The following SLC43A2 variants were observed in gnomAD, a reference collection of about 807,000 sequenced individuals.
SLC43A2 encodes the protein large neutral amino acids transporter small subunit 4.
SLC43A2 carries 38 observed loss-of-function variants against 63.2 expected under a neutral mutation model. The observed-to-expected ratio is 0.60, with a 90% confidence interval of 0.46 to 0.79. The LOEUF (loss-of-function observed/expected upper bound fraction) is 0.79, where lower values mean the gene tolerates loss of function less well. Among genes scored for constraint, SLC43A2 ranks in the 30% least tolerant of loss-of-function variants. The pLI, the probability that SLC43A2 is intolerant of heterozygous loss-of-function variation, is 0.00. For missense variants in SLC43A2, 644 were observed against 756.2 expected (o/e 0.85, Z 1.74); for synonymous variants, 322 against 331.0 (o/e 0.97, Z 0.30).
chr17:1,591,675 A>G lies in SLC43A2; in HGVS notation c.619T>C (p.Phe207Leu). Reference sequence around the variant, plus strand: ...GCCCAGACCACGAGGACGACGATGAAGGAGACACCAGCATCATAGATGAGC... The same window carrying G: ...GCCCAGACCACGAGGACGACGATGAGGGAGACACCAGCATCATAGATGAGC... ...IKLIYDAGVSFIVVLVVWAGC... is the reference protein window; with the variant it reads ...IKLIYDAGVSLIVVLVVWAGC... Residue 207 changes from phenylalanine (F) to leucine (L), a missense_variant, in exon 7 of 14, where the codon TTC becomes CTC. By Grantham distance (22) the Phe-to-Leu change is conservative. Around this residue, in one of 3 missense-constraint regions of SLC43A2, gnomAD observed 528 missense variants for 623.6 expected, o/e 0.85. Coordinates refer to ENST00000301335, the MANE Select transcript of SLC43A2 (RefSeq NM_152346.3). 7.4e-7 allele frequency: 1 copy of G among 1,359,772 alleles called. No individual in the cohort carries two copies. Among genetic ancestry groups the G allele is most frequent in the African/African-American group, 1.6e-5 (1 of 62,662 alleles). 84.2% of individuals were successfully genotyped at this position (1,359,772 alleles called of 1,614,324 possible). A position where few individuals can be genotyped will look rare whatever the true frequency, so the allele number is the denominator to read the frequency against.
chr17:1,612,576 A>G (rs1477025810), intron 5 of SLC43A2, among the ~76,000 whole-genome samples: 2 of 152,246 alleles, frequency 1.3e-5, no homozygotes, highest in African/African-American at 4.8e-5. Flanking sequence ...CGAGGAAAAC[A>G]GGAAAAGAAA....
Position 1,593,366 on chromosome 17 carries a change from G to A in SLC43A2, c.502-87C>T, listed in dbSNP as rs535031603. The A allele has an allele frequency of 2.5e-6, 3 of 1,220,720 alleles. No homozygotes were observed. The highest frequency in any genetic ancestry group is 2.4e-5 in the East Asian group (1 of 41,290). 75.6% of individuals were successfully genotyped at this position (1,220,720 alleles called of 1,614,324 possible). A position where few individuals can be genotyped will look rare whatever the true frequency, so the allele number is the denominator to read the frequency against. On this transcript the variant is annotated intron_variant, in intron 5 of 13. Coordinates refer to ENST00000301335, the MANE Select transcript of SLC43A2 (RefSeq NM_152346.3). The surrounding 1 kb of genome is among the most constrained non-coding windows in gnomAD (Gnocchi z 5.3). The stretch of plus-strand genomic sequence containing the variant: ...GGGGACAGAGAACTAGGCCCCATGA[G>A]GCCCCTTCTTCACCTGCGCCCCTTC...
chr17:1,613,302 G>A (rs764151640), intron 4 of SLC43A2, 31 bp from the exon 5 acceptor site: 3 of 1,608,430 alleles, frequency 1.9e-6, no homozygotes, highest in East Asian at 4.5e-5. Context: ...CGTGAGTGGA[G>A]ACCCCAGCTG....
intron 11 of SLC43A2, among the ~76,000 whole-genome samples, chr17:1,582,859 G>A (rs377514133): frequency 9.2e-4 from 140 of 152,250 alleles, no homozygotes; most frequent in South Asian, 8.7e-3. Flanking sequence ...CGGGTGGATC[G>A]CCTGAGGTCA....
In SLC43A2 at chr17:1,583,486, G is replaced by C; in HGVS notation, c.1218-150C>G. The C allele has an allele frequency of 7.3e-7, 1 of 1,369,210 alleles. No individual in the cohort carries two copies. Among genetic ancestry groups the C allele is most frequent in the East Asian group, 2.5e-5 (1 of 40,144 alleles). 84.8% of individuals were successfully genotyped at this position (1,369,210 alleles called of 1,614,324 possible). On this transcript the variant is annotated intron_variant, in intron 10 of 13. Transcript: ENST00000301335. This position sits in a 1 kb window ranked among gnomAD's most constrained non-coding sequence, Gnocchi z 5.5. ...CGTTTTAGGGACTGTGTCGGGGCTGGACCAGCACTACGGACACTCCCCGGC... is the reference window on the plus strand; with the variant it reads ...CGTTTTAGGGACTGTGTCGGGGCTGCACCAGCACTACGGACACTCCCCGGC...
At chr17:1,576,870 T>A in intron 12 of SLC43A2, 150 bp from the exon 13 acceptor site, 1 of 980,170 alleles carries the variant, frequency 1.0e-6, no homozygotes, top group Non-Finnish European at 1.4e-6. Flanking sequence ...TCTGTTTTTT[T>A]TTTTTTTTTT....
intron 12 of SLC43A2, 112 bp from the exon 13 acceptor site, chr17:1,576,832 G>T: frequency 7.6e-7 from 1 of 1,319,840 alleles, no homozygotes; most frequent in Non-Finnish European, 1.0e-6. Context: ...TGGGGTGCCA[G>T]CCCTCGGATT....
chr17:1,586,199 C>T (rs765890381), intron 9 of SLC43A2, 148 bp from the exon 10 acceptor site: 66 of 1,269,876 alleles, frequency 5.2e-5, no homozygotes, highest in Admixed American at 1.7e-4. Flanking sequence ...GCGAGGAGCC[C>T]GGAGACCTTA....
chr17:1,576,453 C>A, intron 13 of SLC43A2, 144 bp downstream of exon 13: 3 of 858,952 alleles, frequency 3.5e-6, no homozygotes. Flanking sequence ...GCCTAGCCAC[C>A]ATTCACAAAG....
At position 1,605,662 on chromosome 17, in the gene SLC43A2, AG is replaced by A. The variant is rs1906541191; in HGVS notation, c.501+7532del. Among the ~76,000 whole-genome samples, 1 of 151,958 alleles carries A rather than the reference AG, an allele frequency of 6.6e-6. No homozygotes were observed. On this transcript the variant is annotated intron_variant, in intron 5 of 13. Coordinates refer to ENST00000301335, the MANE Select transcript of SLC43A2 (RefSeq NM_152346.3). The surrounding 1 kb of genome is among the most constrained non-coding windows in gnomAD (Gnocchi z 4.9). Reference sequence around the variant, plus strand: ...ATTCTGGCCCTCGGGTCCCCTCCAGAGGGAGCCTTGTCCCCAAGTGGCTGGA... The same window carrying A: ...ATTCTGGCCCTCGGGTCCCCTCCAGAGGAGCCTTGTCCCCAAGTGGCTGGA...
At chr17:1,604,045 C>T (rs946104361) in intron 5 of SLC43A2, among the ~76,000 whole-genome samples, 2 of 152,078 alleles carry the variant, frequency 1.3e-5, no homozygotes, top group Non-Finnish European at 2.9e-5. Context: ...CATTCATTTA[C>T]TTATTTATTT....
chr17:1,586,943 G>A (rs777852508), intron 9 of SLC43A2: 30 of 347,430 alleles, frequency 8.6e-5, no homozygotes, highest in South Asian at 1.4e-4. Flanking sequence ...CCCACCCCCC[G>A]CTTACCCGTG....
intron 5 of SLC43A2, among the ~76,000 whole-genome samples, chr17:1,600,149 T>TA (rs1567630815): frequency 2.2e-5 from 2 of 90,822 alleles, no homozygotes; most frequent in Non-Finnish European, 4.2e-5. Context: ...TATATATATA[T>TA]ATATTTTTTT....
At chr17:1,625,612 G>A (rs1420494785) in intron 2 of SLC43A2, among the ~76,000 whole-genome samples, 1 of 152,198 alleles carries the variant, frequency 6.6e-6, no homozygotes, top group African/African-American at 2.4e-5. Context: ...TTTCTGGCCT[G>A]AAAGAAAACT....
chr17:1,594,866 G>A (rs1905162487), intron 5 of SLC43A2, among the ~76,000 whole-genome samples: 1 of 151,800 alleles, frequency 6.6e-6, no homozygotes, highest in South Asian at 2.1e-4. Context: ...GGGATTACAG[G>A]CGTGAGCCAC....
intron 2 of SLC43A2, among the ~76,000 whole-genome samples, chr17:1,618,040 T>C (rs1477499814): frequency 6.6e-6 from 1 of 152,240 alleles, no homozygotes; most frequent in Non-Finnish European, 1.5e-5. Flanking sequence ...GGTAACTGCC[T>C]GCCTTCCAAT....
Position 1,619,195 on chromosome 17 carries a change from G to A in SLC43A2, c.161-2426C>T, listed in dbSNP as rs781206778. Among the ~76,000 whole-genome samples the A allele has an allele frequency of 5.9e-5, 9 of 151,966 alleles. No individual in the cohort carries two copies. The South Asian group carries it at 6.2e-4, about 11-fold the overall frequency. On this transcript the variant is annotated intron_variant, in intron 2 of 13. Coordinates refer to ENST00000301335, the MANE Select transcript of SLC43A2 (RefSeq NM_152346.3). ...TGGGCGTCTATAATCACAGCTACTC[G>A]GGAGGCTGAGACAGGAGAATTGCTT...
intron 2 of SLC43A2, among the ~76,000 whole-genome samples, chr17:1,619,773 C>T (rs1333353532): frequency 6.6e-6 from 1 of 152,234 alleles, no homozygotes; most frequent in African/African-American, 2.4e-5. Context: ...TCCAGGTTGA[C>T]ATGCAGATAG....
At chr17:1,598,268 A>G (rs1416124217) in intron 5 of SLC43A2, among the ~76,000 whole-genome samples, 2 of 152,140 alleles carry the variant, frequency 1.3e-5, no homozygotes, top group African/African-American at 4.8e-5. Flanking sequence ...TAGAAATACA[A>G]AAATTAGCTG....
Sources: gnomAD v4.1 joint callset for allele counts (sites outside exome capture counted in the v4.1 genomes callset) on GRCh38, gnomAD v4.1.1 for gene constraint, gnomAD v4.1.1 regional missense constraint, Gnocchi (gnomAD v3.1) non-coding constraint, MANE v1.5 for transcripts, NCBI Gene and HGNC (gene_info 2026-07-23, HGNC 2026-07-21) for gene names.